The following AGBL4 variants were observed in gnomAD, a reference collection of about 807,000 sequenced individuals.
The protein encoded by AGBL4 is AGBL carboxypeptidase 4.
AGBL4 carries 58 observed loss-of-function variants against 66.4 expected under a neutral mutation model. That is an observed-to-expected ratio of 0.87 (90% CI 0.71 to 1.09). The LOEUF is 1.09. Ranked by LOEUF, AGBL4 falls within the 50% of genes least tolerant of loss-of-function variation. The probability of loss-of-function intolerance (pLI) is 0.00; values close to 1 mark genes in which losing one functional copy is unlikely to be tolerated. For synonymous variants in AGBL4, 234 were observed against 222.9 expected, an observed-to-expected ratio of 1.05 and a Z score of -0.44; for missense variants, 579 against 631.0, an observed-to-expected ratio of 0.92 and a Z score of 0.88.
intron 2 of AGBL4, among the ~76,000 whole-genome samples, chr1:49,777,433 A>C (rs80153654): frequency 0.012 from 1,864 of 152,308 alleles, 28 homozygotes; most frequent in Non-Finnish European, 0.015. Context: ...AGAAATCATT[A>C]AAATATATTT....
intron 3 of AGBL4, among the ~76,000 whole-genome samples, chr1:49,303,394 T>G (rs918751885): frequency 1.3e-5 from 2 of 152,110 alleles, no homozygotes; most frequent in African/African-American, 4.8e-5. Flanking sequence ...GATTTGCATT[T>G]CTCTAATGAT....
In AGBL4 at chr1:49,851,277, C is replaced by T. The variant is rs147945103; in HGVS notation, c.157+119G>A. The stretch of plus-strand genomic sequence containing the variant: ...AAAATTTTTTCCCATAAAACTTGTC[C>T]CATTATTGTGAAATATTAAATGAGT... On this transcript the variant is annotated intron_variant, in intron 2 of 13. Transcript: ENST00000371839. 806 of 1,151,214 alleles carry T rather than the reference C, an allele frequency of 7.0e-4. 8 individuals carry two copies. In the African/African-American group the frequency reaches 0.012, roughly 17 times the overall value. 71.3% of individuals were successfully genotyped at this position (1,151,214 alleles called of 1,614,324 possible).
rs1216624360 is a variant in AGBL4, at chr1:48,534,796, C to T, written c.1391+94G>A. On this transcript the variant is annotated intron_variant, in intron 13 of 13. Coordinates refer to ENST00000371839, the MANE Select transcript of AGBL4 (RefSeq NM_032785.4). ...CACATTCATTGAAGAGCCTTGCTAACATAACAAGGCTGCCAGAATAGGTGA... is the reference window on the plus strand; with the variant it reads ...CACATTCATTGAAGAGCCTTGCTAATATAACAAGGCTGCCAGAATAGGTGA... 10 of 1,299,158 alleles carry T rather than the reference C, an allele frequency of 7.7e-6. No homozygotes were observed. In the East Asian group the frequency reaches 1.8e-4, roughly 23 times the overall value. The allele number at this position is 1,299,158 out of a possible 1,614,324, so 80.5% of individuals were successfully genotyped here.
intron 4 of AGBL4, among the ~76,000 whole-genome samples, chr1:49,191,569 G>A (rs1045102424): frequency 6.6e-6 from 1 of 152,176 alleles, no homozygotes; most frequent in African/African-American, 2.4e-5. Context: ...CCCATGTCAT[G>A]AGCATAGTAC....
intron 11 of AGBL4, among the ~76,000 whole-genome samples, chr1:48,564,146 T>C (rs1159039306): frequency 6.6e-6 from 1 of 152,110 alleles, no homozygotes; most frequent in East Asian, 1.9e-4. Flanking sequence ...CCTCTGCCCC[T>C]GTTCAGGCCT....
intron 11 of AGBL4, among the ~76,000 whole-genome samples, chr1:48,541,083 C>A (rs979562427): frequency 1.3e-5 from 2 of 152,354 alleles, no homozygotes; most frequent in Middle Eastern, 3.4e-3. Flanking sequence ...ACTCCCCTTG[C>A]CCTTCACATT....
At chr1:49,863,417 C>T (rs1018730408) in intron 1 of AGBL4, among the ~76,000 whole-genome samples, 8 of 152,144 alleles carry the variant, frequency 5.3e-5, no homozygotes, top group African/African-American at 1.2e-4. Flanking sequence ...ACAACCAAAG[C>T]AACAATGAAC....
chr1:49,813,262 T>C (rs1645147173), intron 2 of AGBL4, among the ~76,000 whole-genome samples: 1 of 152,100 alleles, frequency 6.6e-6, no homozygotes, highest in African/African-American at 2.4e-5. Flanking sequence ...TTAAAAACAA[T>C]ATGATGATAT....
intron 3 of AGBL4, among the ~76,000 whole-genome samples, chr1:49,597,963 CAG>C (rs1290839533): frequency 6.6e-6 from 1 of 152,170 alleles, no homozygotes; most frequent in East Asian, 1.9e-4. Flanking sequence ...CATCTGCAAA[CAG>C]AGATAATTTG....
chr1:49,348,227 G>A (rs2148515638), intron 3 of AGBL4, among the ~76,000 whole-genome samples: 1 of 152,122 alleles, frequency 6.6e-6, no homozygotes, highest in South Asian at 2.1e-4. Context: ...GACCATCCTG[G>A]TTAACACGGT....
chr1:49,292,596 G>A (rs901500002), intron 3 of AGBL4, among the ~76,000 whole-genome samples: 29 of 152,100 alleles, frequency 1.9e-4, no homozygotes, highest in African/African-American at 5.8e-4. Context: ...ACAGGACCTC[G>A]TCTCTGCTGA....
At chr1:49,715,162 G>A (rs1015131768) in intron 2 of AGBL4, among the ~76,000 whole-genome samples, 1 of 151,912 alleles carries the variant, frequency 6.6e-6, no homozygotes, top group Non-Finnish European at 1.5e-5. Context: ...TCCCCTCCCT[G>A]TGTCCATGTG....
intron 1 of AGBL4, among the ~76,000 whole-genome samples, chr1:49,932,407 A>G (rs1179723102): frequency 6.6e-6 from 1 of 152,148 alleles, no homozygotes; most frequent in African/African-American, 2.4e-5. Flanking sequence ...TAAAATTCCT[A>G]GAAGAAAAAC....
intron 2 of AGBL4, among the ~76,000 whole-genome samples, chr1:49,801,760 T>A (rs181326213): frequency 6.6e-6 from 1 of 152,292 alleles, no homozygotes; most frequent in East Asian, 1.9e-4. Flanking sequence ...AAGCCAGACA[T>A]ATAATTGTAT....
At chr1:49,470,034 T>C (rs1646710477) in intron 3 of AGBL4, 1 of 151,912 alleles carries the variant, frequency 6.6e-6, no homozygotes, top group African/African-American at 2.4e-5. Context: ...TAACAGTCAC[T>C]CCACAGAATT....
At chr1:49,473,268 A>G (rs995943385) in intron 3 of AGBL4, among the ~76,000 whole-genome samples, 1 of 152,132 alleles carries the variant, frequency 6.6e-6, no homozygotes, top group Non-Finnish European at 1.5e-5. Context: ...CCAACGGTGT[A>G]TAAGTGTTCC....
At chr1:49,918,092 G>C (rs61690876) in intron 1 of AGBL4, among the ~76,000 whole-genome samples, 2 of 152,194 alleles carry the variant, frequency 1.3e-5, no homozygotes, top group South Asian at 2.1e-4. Context: ...GGAGTGTGTA[G>C]AGGGTAATTT....
chr1:48,908,074 T>C (rs547397824), intron 5 of AGBL4, among the ~76,000 whole-genome samples: 3 of 152,274 alleles, frequency 2.0e-5, no homozygotes, highest in African/African-American at 7.2e-5. Context: ...CCTCCAAAGT[T>C]TTTGCAGTTC....
chr1:49,477,913 A>G (rs1407023517), intron 3 of AGBL4, among the ~76,000 whole-genome samples: 1 of 151,788 alleles, frequency 6.6e-6, no homozygotes, highest in Non-Finnish European at 1.5e-5. Context: ...ATGAAAATGC[A>G]ACTGACACAC....
Sources: allele counts gnomAD v4.1 joint callset (sites outside exome capture counted in the v4.1 genomes callset), GRCh38; gene constraint gnomAD v4.1.1; transcripts MANE v1.5; gene names NCBI Gene and HGNC (gene_info 2026-07-23, HGNC 2026-07-21).